The following WASF3 variants were observed in gnomAD, a reference collection of about 807,000 sequenced individuals.
The protein encoded by WASF3 is WASP family member 3, also known as actin-binding protein WASF3.
A neutral mutation model predicts 46.6 loss-of-function variants in WASF3; 11 were observed. That is an observed-to-expected ratio of 0.24 (90% CI 0.15 to 0.39). The LOEUF (loss-of-function observed/expected upper bound fraction) is 0.39. Ranked by LOEUF, WASF3 falls within the 10% of genes least tolerant of loss-of-function variation. The pLI, the probability that WASF3 is intolerant of heterozygous loss-of-function variation, is 1.00. For synonymous variants in WASF3, 242 were observed against 259.7 expected (o/e 0.93, Z 0.65); for missense variants, 576 against 669.8 (o/e 0.86, Z 1.55).
intron 2 of WASF3, among the ~76,000 whole-genome samples, chr13:26,634,743 T>A (rs896299610): frequency 6.6e-6 from 1 of 152,238 alleles, no homozygotes; most frequent in African/African-American, 2.4e-5. Context: ...CCTTCACTTA[T>A]GAAGCTTAGT....
chr13:26,668,495 C>T (rs1202123313), intron 5 of WASF3, among the ~76,000 whole-genome samples: 5 of 152,252 alleles, frequency 3.3e-5, no homozygotes, highest in Non-Finnish European at 5.9e-5. Flanking sequence ...TGGTGATTCT[C>T]CTGTGAGAAC....
intron 5 of WASF3, among the ~76,000 whole-genome samples, chr13:26,670,005 G>A (rs1882883483): frequency 6.6e-6 from 1 of 152,006 alleles, no homozygotes; most frequent in African/African-American, 2.4e-5. Context: ...CCCATTACTG[G>A]GTATATACCC....
At chr13:26,554,044 C>T (rs9579027), upstream of WASF3, among the ~76,000 whole-genome samples, 4,378 of 63,472 alleles carry the variant, frequency 0.069, 435 homozygotes, top group African/African-American at 0.17. Flanking sequence ...TCTTTCTTTC[C>T]TTCCTTCCTT....
chr13:26,576,974 G>T, intron 1 of WASF3: 1 of 722,592 alleles, frequency 1.4e-6, no homozygotes. Context: ...AAGAAAGAGT[G>T]GTATGATGTG....
intron 1 of WASF3, among the ~76,000 whole-genome samples, chr13:26,597,494 T>A (rs545099496): frequency 3.3e-5 from 5 of 152,232 alleles, no homozygotes; most frequent in South Asian, 2.1e-4. Context: ...CTTTTTTTTT[T>A]ATTATACTTT....
At chr13:26,602,438 C>T (rs1002086233) in intron 1 of WASF3, among the ~76,000 whole-genome samples, 1 of 151,994 alleles carries the variant, frequency 6.6e-6, no homozygotes, top group Non-Finnish European at 1.5e-5. Context: ...TTGTAGTATT[C>T]TTGTGGCATG....
intron 3 of WASF3, among the ~76,000 whole-genome samples, chr13:26,660,559 G>A (rs552089031): frequency 3.3e-5 from 5 of 152,168 alleles, no homozygotes; most frequent in African/African-American, 1.2e-4. Flanking sequence ...TGGGGAAAGG[G>A]GCGAGGACAG....
At chr13:26,599,487 T>A (rs1429458687) in intron 1 of WASF3, among the ~76,000 whole-genome samples, 1 of 152,214 alleles carries the variant, frequency 6.6e-6, no homozygotes, top group South Asian at 2.1e-4. Flanking sequence ...TCAGCTCTCC[T>A]GCCCTAGCAC....
intron 2 of WASF3, among the ~76,000 whole-genome samples, chr13:26,636,904 T>G (rs1593162520): frequency 6.6e-6 from 1 of 152,300 alleles, no homozygotes; most frequent in African/African-American, 2.4e-5. Flanking sequence ...AAATTGTCTT[T>G]TCCTTAGGAG....
intron 2 of WASF3, among the ~76,000 whole-genome samples, chr13:26,630,208 A>G (rs1266149078): frequency 6.6e-6 from 1 of 152,086 alleles, no homozygotes; most frequent in Non-Finnish European, 1.5e-5. Flanking sequence ...TGTGCACAAC[A>G]TGCAGGTTTG....
chr13:26,644,539 T>C (rs2137416403), intron 3 of WASF3, among the ~76,000 whole-genome samples: 1 of 152,236 alleles, frequency 6.6e-6, no homozygotes, highest in East Asian at 1.9e-4. Flanking sequence ...AACAGGATGC[T>C]AGGAATCACC....
intron 1 of WASF3, among the ~76,000 whole-genome samples, chr13:26,601,199 A>T (rs906215457): frequency 2.6e-5 from 4 of 152,200 alleles, no homozygotes; most frequent in African/African-American, 9.7e-5. Flanking sequence ...TGAATTACGT[A>T]GCATTTATTT....
intron 3 of WASF3, among the ~76,000 whole-genome samples, chr13:26,651,241 G>A (rs1417111601): frequency 6.6e-6 from 1 of 152,108 alleles, no homozygotes; most frequent in East Asian, 1.9e-4. Context: ...AGAATGGCTT[G>A]ATCCTGGTGG....
chr13:26,630,687 G>A lies in WASF3; in HGVS notation c.-10-11574G>A, dbSNP rs58916164. ...TGGGTATATACCCAGTAATGGGATC[G>A]CTGGGTCAAATGCTATTTCTAGTTC... On this transcript the variant is annotated intron_variant, in intron 2 of 9. Coordinates refer to ENST00000335327, the MANE Select transcript of WASF3 (RefSeq NM_006646.6). Among the ~76,000 whole-genome samples, 1,098 of 152,208 alleles carry A rather than the reference G, an allele frequency of 7.2e-3. 11 individuals are homozygous for A. The highest frequency in any genetic ancestry group is 0.023 in the African/African-American group (957 of 41,526).
intron 2 of WASF3, among the ~76,000 whole-genome samples, chr13:26,624,988 TGAAAG>T (rs1335517530): frequency 1.3e-5 from 2 of 152,078 alleles, no homozygotes; most frequent in African/African-American, 4.8e-5. Flanking sequence ...CTGTAAGAAA[TGAAAG>T]GAAGTTCTTG....
At chr13:26,580,689 G>C (rs192505996) in intron 1 of WASF3, among the ~76,000 whole-genome samples, 1 of 149,464 alleles carries the variant, frequency 6.7e-6, no homozygotes, top group Admixed American at 6.7e-5. Context: ...GCGATGGCAC[G>C]ATCTCGGCTC....
chr13:26,665,077 C>A lies in WASF3; in HGVS notation c.183C>A (p.Asn61Lys). The part of the protein sequence containing the change: ...IFGELFNEAN[N>K]FYIRANSLQD... ...GTGAGTTGTTTAATGAGGCTAACAA[C>A]TTCTACATCAGAGCAAATTCTCTTC... Residue 61 changes from asparagine (N) to lysine (K), a missense_variant, in exon 4 of 10, where the codon AAC (asparagine) becomes AAA (lysine). Asn to Lys is a moderately conservative substitution (Grantham distance 94). Around this residue, in one of 3 missense-constraint regions of WASF3, gnomAD observed 213 missense variants for 278.0 expected, o/e 0.77. Coordinates refer to ENST00000335327, the MANE Select transcript of WASF3 (RefSeq NM_006646.6). 1.2e-6 allele frequency: 2 copies of A among 1,614,162 alleles called. No homozygotes were observed. Among genetic ancestry groups the A allele is most frequent in the Non-Finnish European group, 1.7e-6 (2 of 1,180,002 alleles).
chr13:26,642,350 A>C lies in WASF3; in HGVS notation c.80A>C (p.Glu27Ala). Residue 27 changes from glutamate (E) to alanine (A), a missense_variant, in exon 3 of 10, where the codon GAA becomes GCA. Around this residue, in one of 3 missense-constraint regions of WASF3, gnomAD observed 213 missense variants for 278.0 expected, o/e 0.77. Coordinates refer to ENST00000335327, the MANE Select transcript of WASF3 (RefSeq NM_006646.6). ...ALPEGITSELECVTNSTLAAI... is the reference protein window; with the variant it reads ...ALPEGITSELACVTNSTLAAI... ...CCTGAAGGGATTACCAGCGAACTTG[A>C]ATGTGTAACCAATAGTACTCTTGCC... 1.9e-6 allele frequency: 3 copies of C among 1,612,552 alleles called. No homozygotes were observed. Among genetic ancestry groups the C allele is most frequent in the Non-Finnish European group, 2.5e-6 (3 of 1,179,452 alleles).
At chr13:26,584,956 T>C (rs1266847788) in intron 1 of WASF3, among the ~76,000 whole-genome samples, 1 of 151,894 alleles carries the variant, frequency 6.6e-6, no homozygotes, top group East Asian at 1.9e-4. Flanking sequence ...GTTAAGGGAG[T>C]GGAAGAATAC....
Sources: gnomAD v4.1 joint callset for allele counts (sites outside exome capture counted in the v4.1 genomes callset) on GRCh38, gnomAD v4.1.1 for gene constraint, gnomAD v4.1.1 regional missense constraint, MANE v1.5 for transcripts, NCBI Gene and HGNC (gene_info 2026-07-23, HGNC 2026-07-21) for gene names.